The following TRAPPC8 variants were observed in gnomAD, a reference collection of about 807,000 sequenced individuals.
TRAPPC8 encodes the protein general sporulation gene 1 homolog.
In TRAPPC8, 54 loss-of-function variants were observed where a neutral mutation model predicts 174.3. That is an observed-to-expected ratio of 0.31 (90% CI 0.25 to 0.39). The LOEUF is 0.39. Ranked by LOEUF, TRAPPC8 falls within the 10% of genes least tolerant of loss-of-function variation. The pLI is 1.00. For synonymous variants in TRAPPC8, 630 were observed against 579.9 expected (o/e 1.09, Z -1.24); for missense variants, 1,531 against 1,699.1 (o/e 0.90, Z 1.74).
intron 9 of TRAPPC8, among the ~76,000 whole-genome samples, chr18:31,906,937 T>C (rs1042948203): frequency 3.9e-5 from 6 of 152,180 alleles, no homozygotes; most frequent in African/African-American, 1.2e-4. Context: ...ATGTTCTTGA[T>C]GTATGAAGTC....
At chr18:31,884,878 G>C (rs2035629562) in intron 12 of TRAPPC8, among the ~76,000 whole-genome samples, 1 of 149,984 alleles carries the variant, frequency 6.7e-6, no homozygotes, top group Non-Finnish European at 1.5e-5. Flanking sequence ...TTTTGAGATG[G>C]AGCCTCACTG....
chr18:31,892,537 A>G (rs2035999180), intron 11 of TRAPPC8, among the ~76,000 whole-genome samples: 1 of 152,206 alleles, frequency 6.6e-6, no homozygotes, highest in Non-Finnish European at 1.5e-5. Flanking sequence ...ATAATTATTC[A>G]AATATTTTTA....
chr18:31,908,999 T>A lies in TRAPPC8; in HGVS notation c.877A>T (p.Asn293Tyr). 1 of 1,606,628 alleles carries A rather than the reference T, an allele frequency of 6.2e-7. No individual in the cohort carries two copies. Among genetic ancestry groups the A allele is most frequent in the Non-Finnish European group, 8.5e-7 (1 of 1,175,786 alleles). Residue 293 changes from asparagine to tyrosine, a missense_variant, in exon 7 of 29, where the codon AAT becomes TAT. Coordinates refer to ENST00000283351, the MANE Select transcript of TRAPPC8 (RefSeq NM_014939.5). ...LDNEVKDGLP[N>Y]NFRAHPLQLE... Reference sequence around the variant, plus strand: ...TGAAGTGGGTGAGCTCTAAAGTTATTTGGTAAGCCATCTACTGAAAAAGAG... The same window carrying A: ...TGAAGTGGGTGAGCTCTAAAGTTATATGGTAAGCCATCTACTGAAAAAGAG...
intron 11 of TRAPPC8, chr18:31,895,890 C>T (rs2036165515): frequency 6.6e-6 from 1 of 152,314 alleles, no homozygotes; most frequent in East Asian, 1.9e-4. Flanking sequence ...AATATCACTT[C>T]TGAACCTAAC....
In TRAPPC8 at chr18:31,830,705, C is replaced by T. The variant is rs1003635638; in HGVS notation, c.*50G>A. On this transcript the variant is annotated 3_prime_UTR_variant, in exon 29 of 29. Transcript: ENST00000283351. Reference sequence around the variant, plus strand: ...GTATATCAAATACTGCTGTAAAACCCATCCAGCAAAAACTGATTATTGTGG... The same window carrying T: ...GTATATCAAATACTGCTGTAAAACCTATCCAGCAAAAACTGATTATTGTGG... 1.3e-6 allele frequency: 2 copies of T among 1,510,322 alleles called. No homozygotes were observed. Among genetic ancestry groups the T allele is most frequent in the African/African-American group, 1.4e-5 (1 of 72,770 alleles). 93.6% of individuals were successfully genotyped at this position (1,510,322 alleles called of 1,614,324 possible). A position where few individuals can be genotyped will look rare whatever the true frequency, so the allele number is the denominator to read the frequency against.
chr18:31,915,947 C>T (rs2037125022), intron 4 of TRAPPC8, among the ~76,000 whole-genome samples: 1 of 147,894 alleles, frequency 6.8e-6, no homozygotes, highest in Non-Finnish European at 1.5e-5. Context: ...ATTCCAGCTA[C>T]TCAGGAGGCT....
rs150723496 is a variant in TRAPPC8 at position 31,941,126 on chromosome 18, C to T, written c.157+1482G>A. Among the ~76,000 whole-genome samples, 454 of 152,292 alleles carry T rather than the reference C, an allele frequency of 3.0e-3. 2 individuals are homozygous for T. The highest frequency in any genetic ancestry group is 9.5e-3 in the African/African-American group (396 of 41,572). On this transcript the variant is annotated intron_variant, in intron 1 of 28. Transcript: ENST00000283351. ...AAAGAGTACACATATAAAAGTAAAA[C>T]TAGCTCAAGTGTTTGTGTTTTTTTA...
chr18:31,871,872 C>T (rs548721283), intron 14 of TRAPPC8, among the ~76,000 whole-genome samples: 26 of 151,962 alleles, frequency 1.7e-4, no homozygotes, highest in Non-Finnish European at 4.4e-5. Flanking sequence ...AAAAAAAATA[C>T]TAAATCGTAT....
rs745488703 is a variant in TRAPPC8, at chr18:31,935,548, T to TGAAAAAAAAAAAAAA, written c.158-4026_158-4025insTTTTTTTTTTTTTTC. 1.6e-3 allele frequency among the ~76,000 whole-genome samples: 76 copies of TGAAAAAAAAAAAAAA among 46,278 alleles called. 16 individuals are homozygous for TGAAAAAAAAAAAAAA. The highest frequency in any genetic ancestry group is 2.4e-3 in the African/African-American group (22 of 9,036). The allele number at this position is 46,278 out of a possible 152,430, so 30.4% of individuals were successfully genotyped here. On this transcript the variant is annotated intron_variant, in intron 1 of 28. Coordinates refer to ENST00000283351, the MANE Select transcript of TRAPPC8 (RefSeq NM_014939.5). ...GGGCAACAAGAGCGAAACTCCATCT[T>TGAAAAAAAAAAAAAA]AAAAAAAAAAAAAAAAAAAAGCAGG...
In TRAPPC8 at chr18:31,866,883, T is replaced by C. The variant is rs2034611255; in HGVS notation, c.2556A>G (p.Val852=). The C allele has an allele frequency of 6.2e-7, 1 of 1,613,580 alleles. No homozygotes were observed. The highest frequency in any genetic ancestry group is 8.5e-7 in the Non-Finnish European group (1 of 1,179,736). ...NLGTIQGSMT[V]DGIGALPGCH... ...ATCCGGGAAGAGCACCAATGCCATC[T>C]ACTGTCATAGAGCCCTGAATAGTGC... The change falls in exon 18 of 29, where the codon GTA becomes GTG. Residue 852 remains valine, a synonymous_variant. Coordinates refer to ENST00000283351, the MANE Select transcript of TRAPPC8 (RefSeq NM_014939.5).
At chr18:31,921,339 C>G (rs1028502872) in intron 2 of TRAPPC8, among the ~76,000 whole-genome samples, 2 of 152,112 alleles carry the variant, frequency 1.3e-5, no homozygotes, top group Admixed American at 6.6e-5. Flanking sequence ...TTAGGTCAGG[C>G]ACGGTGGCTC....
chr18:31,915,472 G>GC, intron 4 of TRAPPC8, among the ~76,000 whole-genome samples: 1 of 132,258 alleles, frequency 7.6e-6, no homozygotes, highest in Non-Finnish European at 1.6e-5. Flanking sequence ...AAAAAAAAGG[G>GC]GGGGGGGGCG....
Position 31,864,662 on chromosome 18 carries a change from C to T in TRAPPC8, c.2710G>A (p.Asp904Asn). 6.2e-7 allele frequency: 1 copy of T among 1,612,764 alleles called. No homozygotes were observed. Among genetic ancestry groups the T allele is most frequent in the South Asian group, 1.1e-5 (1 of 90,874 alleles). ...SVKYGPDRRL[D>N]PIITEEMPLL... is the part of the protein sequence containing the mutation. Reference sequence around the variant, plus strand: ...GGCATTTCTTCTGTGATTATGGGATCTAAACGTCGATCAGGGCCATATTTA... The same window carrying T: ...GGCATTTCTTCTGTGATTATGGGATTTAAACGTCGATCAGGGCCATATTTA... Residue 904 changes from aspartate (D) to asparagine (N), a missense_variant, in exon 19 of 29, where the codon GAT becomes AAT. Physicochemically the swap from Asp to Asn is conservative, Grantham distance 23. Transcript: ENST00000283351.
chr18:31,840,600 G>C (rs1417491826), intron 26 of TRAPPC8, among the ~76,000 whole-genome samples: 1 of 152,132 alleles, frequency 6.6e-6, no homozygotes, highest in Non-Finnish European at 1.5e-5. Flanking sequence ...GCTAAATCCA[G>C]CCTGCATCCT....
At position 31,870,491 on chromosome 18, in the gene TRAPPC8, C is replaced by T. The variant is rs1210513267; in HGVS notation, c.2269G>A (p.Val757Met). ...AAAGGGTTTCTAAAAGCCACTTCCACTGTAATTGGTTCTATTAAAAAAAAG... is the reference window on the plus strand; with the variant it reads ...AAAGGGTTTCTAAAAGCCACTTCCATTGTAATTGGTTCTATTAAAAAAAAG... The part of the protein sequence containing the change: ...PLAVVEEPIT[V>M]EVAFRNPLKV... The change falls in exon 16 of 29, where the codon GTG becomes ATG. Residue 757 changes from valine (V) to methionine (M), a missense_variant. Physicochemically the swap from Val to Met is conservative, Grantham distance 21. Coordinates refer to ENST00000283351, the MANE Select transcript of TRAPPC8 (RefSeq NM_014939.5). The T allele has an allele frequency of 1.9e-6, 3 of 1,609,536 alleles. No individual in the cohort carries two copies. Among genetic ancestry groups the T allele is most frequent in the Admixed American group, 1.7e-5 (1 of 59,106 alleles).
intron 16 of TRAPPC8, 171 bp downstream of exon 16, chr18:31,870,200 GT>G: frequency 2.1e-6 from 1 of 487,166 alleles, no homozygotes; most frequent in Non-Finnish European, 3.5e-6. Context: ...TATTCCTTAT[GT>G]TTTTATGTAT....
chr18:31,849,489 G>C (rs2033591804), intron 25 of TRAPPC8, 77 bp downstream of exon 25: 1 of 1,189,328 alleles, frequency 8.4e-7, no homozygotes, highest in Non-Finnish European at 1.1e-6. Flanking sequence ...AATATAAATA[G>C]TAATATACGT....
intron 12 of TRAPPC8, among the ~76,000 whole-genome samples, chr18:31,880,099 A>AC (rs2035358084): frequency 1.3e-5 from 1 of 79,820 alleles, no homozygotes; most frequent in African/African-American, 5.7e-5. Context: ...AAATATATAT[A>AC]TATATATATA....
chr18:31,880,123 T>TATATATA (rs1568083188), intron 12 of TRAPPC8, among the ~76,000 whole-genome samples: 2 of 56,034 alleles, frequency 3.6e-5, no homozygotes, highest in East Asian at 3.1e-4. Context: ...ATATATATAT[T>TATATATA]TTTTTTTTTT....
Sources: gnomAD v4.1 joint callset for allele counts (sites outside exome capture counted in the v4.1 genomes callset) on GRCh38, gnomAD v4.1.1 for gene constraint, MANE v1.5 for transcripts, NCBI Gene and HGNC (gene_info 2026-07-23, HGNC 2026-07-21) for gene names.